ULK4: variants seen among roughly 807,000 people sequenced by gnomAD.
ULK4 encodes inactive serine/threonine-protein kinase ULK4.
A neutral mutation model predicts 160.6 loss-of-function variants in ULK4; 133 were observed. The ratio of observed to expected loss-of-function variants is 0.83; its 90% CI spans 0.72 to 0.96. The LOEUF (loss-of-function observed/expected upper bound fraction) is 0.96, where lower values mean the gene tolerates loss of function less well. Among genes scored for constraint, ULK4 ranks in the 40% least tolerant of loss-of-function variants. ULK4 has a pLI of 0.00. For missense variants in ULK4, 1,580 were observed against 1,499.5 expected, an observed-to-expected ratio of 1.05 and a Z score of -0.89; for synonymous variants, 534 against 539.8, an observed-to-expected ratio of 0.99 and a Z score of 0.15.
intron 23 of ULK4, among the ~76,000 whole-genome samples, chr3:41,717,065 T>C (rs1209082923): frequency 6.6e-6 from 1 of 151,684 alleles, no homozygotes; most frequent in Non-Finnish European, 1.5e-5. Flanking sequence ...TGTGGAGGGA[T>C]GAGGAAAAAA....
At chr3:41,643,549 A>C (rs1004127862) in intron 30 of ULK4, among the ~76,000 whole-genome samples, 3 of 152,142 alleles carry the variant, frequency 2.0e-5, no homozygotes, top group African/African-American at 7.2e-5. Flanking sequence ...CCATTGATCT[A>C]TATCTCTGTT....
intron 35 of ULK4, among the ~76,000 whole-genome samples, chr3:41,278,509 CCT>C (rs1247179513): frequency 6.6e-6 from 1 of 152,186 alleles, no homozygotes; most frequent in Non-Finnish European, 1.5e-5. Context: ...GTCGCTGACC[CCT>C]GTGTAGCCTG....
chr3:41,890,665 C>A (rs1697895576), intron 16 of ULK4, among the ~76,000 whole-genome samples: 1 of 138,578 alleles, frequency 7.2e-6, no homozygotes, highest in Admixed American at 7.4e-5. Context: ...GGCGACAGAG[C>A]AAGACTCTGT....
At chr3:41,702,394 C>T (rs369695643) in intron 27 of ULK4, among the ~76,000 whole-genome samples, 1 of 152,130 alleles carries the variant, frequency 6.6e-6, no homozygotes, top group South Asian at 2.1e-4. Context: ...ATCTGTCTGC[C>T]TCGGCCTCCC....
rs7652956 is a variant in ULK4, at chr3:41,483,142, T to G, written c.3227-19889A>C. 4.4e-3 allele frequency among the ~76,000 whole-genome samples: 670 copies of G among 152,226 alleles called. 4 individuals carry two copies. Among genetic ancestry groups the G allele is most frequent in the African/African-American group, 0.016 (645 of 41,534 alleles). On this transcript the variant is annotated intron_variant, in intron 32 of 36. Transcript: ENST00000301831. ...CTCTTTTTTTTGTACCTGTTAACCA[T>G]CCCCACTTTAGTCCTACCTCCCACT... is the stretch of plus-strand genomic sequence containing the variant.
chr3:41,412,184 A>G (rs56661615), intron 34 of ULK4, among the ~76,000 whole-genome samples: 32,917 of 152,120 alleles, frequency 0.22, 3,992 homozygotes, highest in African/African-American at 0.32. Flanking sequence ...AACAATACCA[A>G]TATAATAGCA....
chr3:41,934,548 C>A (rs939558), intron 4 of ULK4, among the ~76,000 whole-genome samples: 103,649 of 151,986 alleles, frequency 0.68, 38,995 homozygotes, highest in East Asian at 0.83. Flanking sequence ...GAAACTTAAC[C>A]TAAATATAAT....
At chr3:41,875,852 G>A (rs908316517) in intron 17 of ULK4, among the ~76,000 whole-genome samples, 5 of 150,978 alleles carry the variant, frequency 3.3e-5, no homozygotes, top group African/African-American at 1.2e-4. Flanking sequence ...CTCTCTGGCA[G>A]CACTACTTTA....
At chr3:41,318,955 A>T (rs1415408703) in intron 35 of ULK4, among the ~76,000 whole-genome samples, 1 of 152,214 alleles carries the variant, frequency 6.6e-6, no homozygotes, top group Non-Finnish European at 1.5e-5. Context: ...GAACTACGGT[A>T]TGGAAGAATC....
chr3:41,485,737 A>G (rs1339266321), intron 32 of ULK4, among the ~76,000 whole-genome samples: 1 of 152,188 alleles, frequency 6.6e-6, no homozygotes, highest in East Asian at 1.9e-4. Context: ...TTTCATTTTC[A>G]GTTTTCTGGT....
At chr3:41,599,020 G>T (rs1172274717) in intron 31 of ULK4, among the ~76,000 whole-genome samples, 2 of 152,132 alleles carry the variant, frequency 1.3e-5, no homozygotes, top group Non-Finnish European at 2.9e-5. Context: ...TTTGCCTGTG[G>T]CACCCTTCCA....
At chr3:41,612,128 G>A (rs901089656) in intron 31 of ULK4, among the ~76,000 whole-genome samples, 2 of 152,156 alleles carry the variant, frequency 1.3e-5, no homozygotes, top group Admixed American at 1.3e-4. Context: ...ATGATTTAAA[G>A]TATACAGAAG....
At chr3:41,304,025 C>T (rs2079851067) in intron 35 of ULK4, among the ~76,000 whole-genome samples, 1 of 152,086 alleles carries the variant, frequency 6.6e-6, no homozygotes, top group Non-Finnish European at 1.5e-5. Context: ...AATCCCAGCA[C>T]TTTGGGAGGC....
intron 31 of ULK4, among the ~76,000 whole-genome samples, chr3:41,593,231 C>T (rs2031472140): frequency 6.6e-6 from 1 of 152,202 alleles, no homozygotes; most frequent in South Asian, 2.1e-4. Flanking sequence ...ACCCACTTTG[C>T]TGTCTAAACA....
intron 34 of ULK4, among the ~76,000 whole-genome samples, chr3:41,403,165 AG>A (rs2082219804): frequency 6.6e-6 from 1 of 151,114 alleles, no homozygotes; most frequent in Admixed American, 6.6e-5. Context: ...AAAAAAAAAA[AG>A]TAATTATATA....
intron 35 of ULK4, among the ~76,000 whole-genome samples, chr3:41,328,154 A>T (rs1161065651): frequency 6.6e-6 from 1 of 152,196 alleles, no homozygotes; most frequent in Non-Finnish European, 1.5e-5. Flanking sequence ...TCTACAGTGA[A>T]AGACAAAAAA....
At chr3:41,464,676 C>T (rs545285732) in intron 32 of ULK4, among the ~76,000 whole-genome samples, 5 of 152,146 alleles carry the variant, frequency 3.3e-5, no homozygotes, top group South Asian at 2.1e-4. Context: ...GGTAAACATA[C>T]GCTGCAAGAC....
At chr3:41,896,790 TA>T in intron 15 of ULK4, 31 bp downstream of exon 15, 1 of 1,554,980 alleles carries the variant, frequency 6.4e-7, no homozygotes. Flanking sequence ...AAACACAAAT[TA>T]AAATGCATAA....
intron 19 of ULK4, 50 bp from the exon 20 acceptor site, chr3:41,800,343 G>A: frequency 6.6e-7 from 1 of 1,514,760 alleles, no homozygotes; most frequent in Non-Finnish European, 9.0e-7. Context: ...ATAAATACAT[G>A]TTATTTCTTT....
Sources: allele counts gnomAD v4.1 joint callset (sites outside exome capture counted in the v4.1 genomes callset), GRCh38; gene constraint gnomAD v4.1.1; transcripts MANE v1.5; gene names NCBI Gene and HGNC (gene_info 2026-07-23, HGNC 2026-07-21).